The following ISCU variants were observed in gnomAD, a reference collection of about 807,000 sequenced individuals.
ISCU encodes iron-sulfur cluster assembly enzyme, also known as iron-sulfur cluster assembly enzyme ISCU.
In ISCU, 13 loss-of-function variants were observed where a neutral mutation model predicts 18.4. The ratio of observed to expected loss-of-function variants is 0.71; its 90% CI spans 0.46 to 1.12. ISCU has a LOEUF of 1.12. Ranked by LOEUF, ISCU falls within the 50% of genes most tolerant of loss-of-function variation. ISCU has a pLI of 0.00. For synonymous variants in ISCU, 104 were observed against 87.5 expected, an observed-to-expected ratio of 1.19 and a Z score of -1.06; for missense variants, 229 against 208.7, an observed-to-expected ratio of 1.10 and a Z score of -0.60.
rs2031044192 is a variant in ISCU, at chr12:108,569,257, A to T, written c.*341A>T. 3.2e-6 allele frequency: 1 copy of T among 308,428 alleles called. No homozygotes were observed. The allele number at this position is 308,428 out of a possible 1,614,324, so 19.1% of individuals were successfully genotyped here. ...TTTTACCTGAATTGATTTGGGGGGA[A>T]ATTACCAGTAGAATGCCTTGGTCTG... On this transcript the variant is annotated 3_prime_UTR_variant, in exon 5 of 5. Coordinates refer to ENST00000311893, the MANE Select transcript of ISCU (RefSeq NM_213595.4).
Position 108,568,961 on chromosome 12 carries a change from C to T in ISCU, c.*45C>T. 1 of 1,525,338 alleles carries T rather than the reference C, an allele frequency of 6.6e-7. No individual in the cohort carries two copies. The highest frequency in any genetic ancestry group is 9.0e-7 in the Non-Finnish European group (1 of 1,110,644). The allele number at this position is 1,525,338 out of a possible 1,614,324, so 94.5% of individuals were successfully genotyped here. ...TCCAGCAGGCCACACCAGCTGTTTC[C>T]CACCTGCTGTGCAGTCACCTTAGAT... On this transcript the variant is annotated 3_prime_UTR_variant, in exon 5 of 5. Transcript: ENST00000311893.
At chr12:108,568,026 A>G in intron 4 of ISCU, 1 of 1,508,148 alleles carries the variant, frequency 6.6e-7, no homozygotes, top group Non-Finnish European at 8.8e-7. Context: ...GGTAATACTC[A>G]CAGCAGAAGA....
At chr12:108,568,357 C>T in intron 4 of ISCU, 1 of 1,089,138 alleles carries the variant, frequency 9.2e-7, no homozygotes, top group Non-Finnish European at 1.1e-6. Context: ...GGTGATGTGG[C>T]AAATGCCATC....
Position 108,565,383 on chromosome 12 carries a change from C to T in ISCU, c.291C>T (p.Ser97=), listed in dbSNP as rs202085340. 4.5e-5 allele frequency: 72 copies of T among 1,614,064 alleles called. No individual in the cohort carries two copies. The highest frequency in any genetic ancestry group is 8.9e-5 in the East Asian group (4 of 44,896). ...DARFKTFGCG[S]AIASSSLATE... is the part of the protein sequence containing the mutation. ...GGTTTAAAACATTTGGCTGTGGTTCCGCAATTGCCTCCAGCTCATTAGCCA... is the reference window on the plus strand; with the variant it reads ...GGTTTAAAACATTTGGCTGTGGTTCTGCAATTGCCTCCAGCTCATTAGCCA... Residue 97 remains serine (S), a synonymous_variant, in exon 3 of 5, where the codon TCC becomes TCT. Coordinates refer to ENST00000311893, the MANE Select transcript of ISCU (RefSeq NM_213595.4).
At position 108,569,057 on chromosome 12, in the gene ISCU, T is replaced by A; in HGVS notation, c.*141T>A. On this transcript the variant is annotated 3_prime_UTR_variant, in exon 5 of 5. Coordinates refer to ENST00000311893, the MANE Select transcript of ISCU (RefSeq NM_213595.4). ...CAATACTTGCTGTTCACGTTATGACTCTCATGCAAGCAAAATACACAGTTT... is the reference window on the plus strand; with the variant it reads ...CAATACTTGCTGTTCACGTTATGACACTCATGCAAGCAAAATACACAGTTT... 1 of 729,444 alleles carries A rather than the reference T, an allele frequency of 1.4e-6. No individual in the cohort carries two copies. 45.2% of individuals were successfully genotyped at this position (729,444 alleles called of 1,614,324 possible).
chr12:108,567,789 C>T (rs1158749836), intron 4 of ISCU: 4 of 1,531,952 alleles, frequency 2.6e-6, no homozygotes, highest in Non-Finnish European at 2.6e-6. Flanking sequence ...ACAACTAAGC[C>T]CAGTTGTACA....
intron 4 of ISCU, chr12:108,567,533 A>C (rs1319656021): frequency 5.8e-5 from 47 of 806,030 alleles, no homozygotes; most frequent in Non-Finnish European, 7.2e-5. Context: ...AATATCCTTG[A>C]GTGCACAGTA....
At chr12:108,563,851 A>G in intron 1 of ISCU, 1 of 574,344 alleles carries the variant, frequency 1.7e-6, no homozygotes. Context: ...CAGTCACCTT[A>G]AGGCTTCTAA....
In ISCU at chr12:108,562,597, G is replaced by C. The variant is rs745757437; in HGVS notation, c.-26G>C. 421 of 1,366,622 alleles carry C rather than the reference G, an allele frequency of 3.1e-4. No homozygotes were observed. Among genetic ancestry groups the C allele is most frequent in the Non-Finnish European group, 4.0e-4 (413 of 1,042,116 alleles). The allele number at this position is 1,366,622 out of a possible 1,614,324, so 84.7% of individuals were successfully genotyped here. A position where few individuals can be genotyped will look rare whatever the true frequency, so the allele number is the denominator to read the frequency against. On this transcript the variant is annotated 5_prime_UTR_variant, in exon 1 of 5. Coordinates refer to ENST00000311893, the MANE Select transcript of ISCU (RefSeq NM_213595.4). ...CGCCCCGCCCCTCGGCGTCGCTCTG[G>C]ACTGGCGCAGGCGCAAGCCGGCAAG...
Position 108,565,393 on chromosome 12 carries a change from T to C in ISCU, c.301T>C (p.Ser101Pro). 6.2e-7 allele frequency: 1 copy of C among 1,613,940 alleles called. No homozygotes were observed. The highest frequency in any genetic ancestry group is 8.5e-7 in the Non-Finnish European group (1 of 1,179,796). The part of the protein sequence containing the change: ...KTFGCGSAIA[S>P]SSLATEWVKG... ...ATTTGGCTGTGGTTCCGCAATTGCC[T>C]CCAGCTCATTAGCCACTGAATGGGT... The change falls in exon 3 of 5, where the codon TCC (serine) becomes CCC (proline). Residue 101 changes from serine to proline, a missense_variant. By Grantham distance (74) the Ser-to-Pro change is moderately conservative. Transcript: ENST00000311893.
intron 4 of ISCU, chr12:108,567,729 CT>C (rs2030967240): frequency 1.3e-6 from 2 of 1,535,924 alleles, no homozygotes; most frequent in East Asian, 4.9e-5. Flanking sequence ...TATTTCTTCA[CT>C]TCCTGTCTGG....
At chr12:108,563,864 A>G in intron 1 of ISCU, 2 of 591,472 alleles carry the variant, frequency 3.4e-6, no homozygotes, top group South Asian at 3.9e-5. Context: ...GCTTCTAAGA[A>G]AGCTTTCCCT....
At position 108,567,071 on chromosome 12, in the gene ISCU, A is replaced by G. The variant is rs568306698; in HGVS notation, c.340-119A>G. On this transcript the variant is annotated intron_variant, in intron 3 of 4. Coordinates refer to ENST00000311893, the MANE Select transcript of ISCU (RefSeq NM_213595.4). ...GAGAAGACCCTTAGCCGTTTGAGTT[A>G]TTAAACAGAAATCATCCCCACCAAC... The G allele has an allele frequency of 5.3e-6, 4 of 757,398 alleles. No individual in the cohort carries two copies. The African/African-American group carries it at 6.8e-5, about 13-fold the overall frequency. The allele number at this position is 757,398 out of a possible 1,614,324, so 46.9% of individuals were successfully genotyped here. A position where few individuals can be genotyped will look rare whatever the true frequency, so the allele number is the denominator to read the frequency against.
intron 3 of ISCU, among the ~76,000 whole-genome samples, chr12:108,566,462 C>T (rs2030901245): frequency 6.6e-6 from 1 of 152,228 alleles, no homozygotes; most frequent in Non-Finnish European, 1.5e-5. Context: ...GTTTCAGGAG[C>T]AGAACCTGAA....
Position 108,567,278 on chromosome 12 carries a change from T to C in ISCU, c.418+10T>C. 1 of 1,605,124 alleles carries C rather than the reference T, an allele frequency of 6.2e-7. No homozygotes were observed. Among genetic ancestry groups the C allele is most frequent in the Non-Finnish European group, 8.5e-7 (1 of 1,171,796 alleles). Reference sequence around the variant, plus strand: ...AAACTGCACTGCTCCAGTAAGTCTCTGCTCTCCATACCAGTCAGCTGGGAC... The same window carrying C: ...AAACTGCACTGCTCCAGTAAGTCTCCGCTCTCCATACCAGTCAGCTGGGAC... On this transcript the variant is annotated intron_variant, in intron 4 of 4. Transcript: ENST00000311893.
upstream of ISCU, among the ~76,000 whole-genome samples, chr12:108,562,322 G>A (rs1012784227): frequency 6.6e-6 from 1 of 151,308 alleles, no homozygotes; most frequent in Non-Finnish European, 1.5e-5. Flanking sequence ...TTCCCGCAGC[G>A]GGATTTGTGA....
chr12:108,568,541 G>A, intron 4 of ISCU: 1 of 1,294,010 alleles, frequency 7.7e-7, no homozygotes, highest in Non-Finnish European at 9.9e-7. Context: ...GGCAAGAAAA[G>A]CATGATTATC....
chr12:108,564,137 T>C (rs756553854), intron 1 of ISCU, 142 bp from the exon 2 acceptor site: 4 of 1,612,570 alleles, frequency 2.5e-6, no homozygotes, highest in Non-Finnish European at 3.4e-6. Flanking sequence ...TTGACATGAG[T>C]GTAGACCTTT....
chr12:108,567,233 A>C lies in ISCU; in HGVS notation c.383A>C (p.Glu128Ala). The C allele has an allele frequency of 6.2e-7, 1 of 1,614,064 alleles. No individual in the cohort carries two copies. Among genetic ancestry groups the C allele is most frequent in the Admixed American group, 1.7e-5 (1 of 60,026 alleles). Reference sequence around the variant, plus strand: ...ATCAAAAACACAGATATCGCCAAGGAGCTCTGCCTTCCTCCCGTGAAACTG... The same window carrying C: ...ATCAAAAACACAGATATCGCCAAGGCGCTCTGCCTTCCTCCCGTGAAACTG... ...LTIKNTDIAKELCLPPVKLHC... is the reference protein window; with the variant it reads ...LTIKNTDIAKALCLPPVKLHC... The change falls in exon 4 of 5, where the codon GAG becomes GCG. Residue 128 changes from glutamate to alanine, a missense_variant. Transcript: ENST00000311893.
Sources: gnomAD v4.1 joint callset for allele counts (sites outside exome capture counted in the v4.1 genomes callset) on GRCh38, gnomAD v4.1.1 for gene constraint, MANE v1.5 for transcripts, NCBI Gene and HGNC (gene_info 2026-07-23, HGNC 2026-07-21) for gene names.